PDE1C: variants seen among roughly 807,000 people sequenced by gnomAD.
The protein encoded by PDE1C is dual specificity calcium/calmodulin-dependent 3',5'-cyclic nucleotide phosphodiesterase 1C.
In PDE1C, 62 loss-of-function variants were observed where a neutral mutation model predicts 93.1. The observed-to-expected ratio is 0.67, with a 90% CI of 0.54 to 0.82. The LOEUF (loss-of-function observed/expected upper bound fraction) is 0.82. Among genes scored for constraint, PDE1C ranks in the 40% least tolerant of loss-of-function variants. The pLI, the probability that PDE1C is intolerant of heterozygous loss-of-function variation, is 0.00. For synonymous variants in PDE1C, 325 were observed against 310.1 expected (o/e 1.05, Z -0.50); for missense variants, 742 against 884.6 (o/e 0.84, Z 2.04).
chr7:32,038,799 C>T (rs1791446767), intron 2 of PDE1C, among the ~76,000 whole-genome samples: 1 of 152,152 alleles, frequency 6.6e-6, no homozygotes. Context: ...AAACATGATT[C>T]ATCTTCGACA....
intron 15 of PDE1C, among the ~76,000 whole-genome samples, chr7:31,809,947 C>T (rs1297773970): frequency 6.6e-6 from 1 of 152,078 alleles, no homozygotes; most frequent in Non-Finnish European, 1.5e-5. Flanking sequence ...CAATGGTGCC[C>T]ACCATCGATT....
intron 1 of PDE1C, among the ~76,000 whole-genome samples, chr7:32,391,570 T>C (rs1427519595): frequency 1.3e-5 from 2 of 152,138 alleles, no homozygotes; most frequent in African/African-American, 4.8e-5. Flanking sequence ...GAGAACATTC[T>C]CTAAGGCAGA....
At chr7:32,253,542 T>G (rs1222746680) in intron 1 of PDE1C, among the ~76,000 whole-genome samples, 1 of 152,204 alleles carries the variant, frequency 6.6e-6, no homozygotes, top group African/African-American at 2.4e-5. Flanking sequence ...TCATCTCTCT[T>G]AAATGGATGG....
chr7:32,401,910 G>A (rs1006367437), intron 1 of PDE1C, among the ~76,000 whole-genome samples: 2 of 152,026 alleles, frequency 1.3e-5, no homozygotes, highest in Non-Finnish European at 2.9e-5. Flanking sequence ...GTATCAATTT[G>A]GTAGCATGTG....
chr7:31,727,357 C>T, the PDE1C span, among the ~76,000 whole-genome samples: 1 of 152,208 alleles, frequency 6.6e-6, no homozygotes, highest in African/African-American at 2.4e-5. Context: ...CATCTTCATT[C>T]TCCTTTTTAA....
intron 17 of PDE1C, among the ~76,000 whole-genome samples, chr7:31,756,698 C>A (rs1356377884): frequency 6.6e-6 from 1 of 152,170 alleles, no homozygotes; most frequent in Non-Finnish European, 1.5e-5. Context: ...TGCCAGCCCC[C>A]ACCTCATCCC....
intron 1 of PDE1C, among the ~76,000 whole-genome samples, chr7:32,335,939 A>T (rs1343493448): frequency 6.6e-6 from 1 of 152,140 alleles, no homozygotes; most frequent in Non-Finnish European, 1.5e-5. Context: ...TATGTTGCCC[A>T]GAGTGATCTC....
intron 16 of PDE1C, chr7:31,785,252 G>T (rs375107361): frequency 6.6e-6 from 1 of 152,174 alleles, no homozygotes; most frequent in Non-Finnish European, 1.5e-5. Context: ...CACAAAGGGG[G>T]ACAAGGTCTC....
At chr7:32,206,723 C>T (rs1398064278) in intron 2 of PDE1C, among the ~76,000 whole-genome samples, 1 of 152,240 alleles carries the variant, frequency 6.6e-6, no homozygotes, top group African/African-American at 2.4e-5. Flanking sequence ...TCTTCTAGCT[C>T]ACCCTGCCCA....
chr7:31,660,806 T>C, the PDE1C span, among the ~76,000 whole-genome samples: 1 of 151,896 alleles, frequency 6.6e-6, no homozygotes, highest in East Asian at 1.9e-4. Flanking sequence ...AATATGAAAA[T>C]ACGTATCTAG....
chr7:32,334,063 A>G (rs1783564820), intron 1 of PDE1C, among the ~76,000 whole-genome samples: 1 of 152,200 alleles, frequency 6.6e-6, no homozygotes. Context: ...GTAAAAATAA[A>G]ATTAACCACC....
In PDE1C at chr7:31,808,280, C is replaced by T. The variant is rs754527229; in HGVS notation, c.1891+751G>A. 7 of 382,706 alleles carry T rather than the reference C, an allele frequency of 1.8e-5. No homozygotes were observed. In the Admixed American group the frequency reaches 2.0e-4, roughly 11 times the overall value. 23.7% of individuals were successfully genotyped at this position (382,706 alleles called of 1,614,324 possible). A position where few individuals can be genotyped will look rare whatever the true frequency, so the allele number is the denominator to read the frequency against. On this transcript the variant is annotated intron_variant, in intron 16 of 17. Coordinates refer to ENST00000396191, the MANE Select transcript of PDE1C (RefSeq NM_001191057.4). ...TCTGGGATTCTCTCAAAAACCACTC[C>T]GTGGAAACTTTAATTTTTAGCTTAA...
At chr7:31,711,485 T>C in the PDE1C span, among the ~76,000 whole-genome samples, 1 of 152,186 alleles carries the variant, frequency 6.6e-6, no homozygotes, top group Non-Finnish European at 1.5e-5. Context: ...GTGCTGTTTA[T>C]ATAGTGTGAA....
chr7:32,287,866 C>T (rs1812091698), intron 1 of PDE1C, among the ~76,000 whole-genome samples: 1 of 152,198 alleles, frequency 6.6e-6, no homozygotes, highest in South Asian at 2.1e-4. Context: ...AAGGAATCTA[C>T]AATGGTTCCC....
At chr7:32,241,723 T>TG (rs1247987420) in intron 1 of PDE1C, among the ~76,000 whole-genome samples, 2 of 151,840 alleles carry the variant, frequency 1.3e-5, no homozygotes, top group African/African-American at 4.8e-5. Context: ...AGTCATGCAG[T>TG]GGGGGGGCAG....
At chr7:32,335,712 T>G (rs1313077825) in intron 1 of PDE1C, among the ~76,000 whole-genome samples, 2 of 151,180 alleles carry the variant, frequency 1.3e-5, no homozygotes, top group Non-Finnish European at 2.9e-5. Flanking sequence ...GTTTTTGTTT[T>G]TTTGTTTGTT....
intron 1 of PDE1C, among the ~76,000 whole-genome samples, chr7:32,318,277 C>T (rs1378642498): frequency 6.6e-6 from 1 of 152,182 alleles, no homozygotes; most frequent in East Asian, 1.9e-4. Context: ...AACCAAACCC[C>T]CCTTCTGAGT....
the PDE1C span, among the ~76,000 whole-genome samples, chr7:31,664,723 GATTA>G: frequency 6.6e-6 from 1 of 152,208 alleles, no homozygotes; most frequent in African/African-American, 2.4e-5. Flanking sequence ...CCTTCAAAGA[GATTA>G]ATTGAGTCTT....
chr7:31,739,343 G>A, the PDE1C span, among the ~76,000 whole-genome samples: 30 of 152,166 alleles, frequency 2.0e-4, 1 homozygote, highest in East Asian at 5.0e-3. Context: ...AGAAAGGGTA[G>A]GGTGCAAGAG....
Sources: allele counts gnomAD v4.1 joint callset (sites outside exome capture counted in the v4.1 genomes callset), GRCh38; gene constraint gnomAD v4.1.1; transcripts MANE v1.5; gene names NCBI Gene and HGNC (gene_info 2026-07-23, HGNC 2026-07-21).